Variants in MBOAT2 observed in about 807,000 individuals in gnomAD.
MBOAT2 encodes the protein membrane-bound glycerophospholipid O-acyltransferase 2.
Under a neutral mutation model 63.4 loss-of-function variants are expected in MBOAT2, and 28 were observed. The ratio of observed to expected loss-of-function variants is 0.44; its 90% CI spans 0.33 to 0.61. The LOEUF is 0.61. Ranked by LOEUF, MBOAT2 falls within the 20% of genes least tolerant of loss-of-function variation. MBOAT2 has a pLI of 0.03. For synonymous variants in MBOAT2, 211 were observed against 215.6 expected, an observed-to-expected ratio of 0.98 and a Z score of 0.19; for missense variants, 470 against 605.8, an observed-to-expected ratio of 0.78 and a Z score of 2.35.
At chr2:8,931,572 A>T (rs1216850796) in intron 3 of MBOAT2, among the ~76,000 whole-genome samples, 1 of 152,174 alleles carries the variant, frequency 6.6e-6, no homozygotes, top group Non-Finnish European at 1.5e-5. Flanking sequence ...TTTGCTGTGC[A>T]GAAGTTCTTT....
chr2:8,934,597 T>C (rs2103213046), intron 3 of MBOAT2, among the ~76,000 whole-genome samples: 1 of 152,348 alleles, frequency 6.6e-6, no homozygotes, highest in Non-Finnish European at 1.5e-5. Flanking sequence ...TACTCACAGT[T>C]TCCCAAATGA....
At chr2:8,925,568 C>A (rs955003371) in intron 3 of MBOAT2, among the ~76,000 whole-genome samples, 1 of 152,178 alleles carries the variant, frequency 6.6e-6, no homozygotes, top group African/African-American at 2.4e-5. Context: ...CTAGTCTGCT[C>A]TTTGACTGCA....
chr2:8,931,487 C>T (rs1430256033), intron 3 of MBOAT2, among the ~76,000 whole-genome samples: 2 of 152,014 alleles, frequency 1.3e-5, no homozygotes, highest in Admixed American at 6.6e-5. Context: ...CCGGATATTA[C>T]ACCTTTGTCA....
In MBOAT2 at chr2:8,958,564, T is replaced by C. The variant is rs772211309; in HGVS notation, c.154A>G (p.Ser52Gly). 6 of 1,612,590 alleles carry C rather than the reference T, an allele frequency of 3.7e-6. No homozygotes were observed. The highest frequency in any genetic ancestry group is 5.1e-6 in the Non-Finnish European group (6 of 1,179,638). ...FRTYLHSSKT[S>G]SFIRHVVATL... Reference sequence around the variant, plus strand: ...GCAACTACATGTCTTATAAAAGAGCTAGTTTTGCTTGAATGTAGATAAGTT... The same window carrying C: ...GCAACTACATGTCTTATAAAAGAGCCAGTTTTGCTTGAATGTAGATAAGTT... Residue 52 changes from serine to glycine, a missense_variant, in exon 2 of 13, where the codon AGC becomes GGC. Physicochemically the swap from Ser to Gly is moderately conservative, Grantham distance 56 (BLOSUM62 0). Coordinates refer to ENST00000305997, the MANE Select transcript of MBOAT2 (RefSeq NM_138799.4).
intron 1 of MBOAT2, among the ~76,000 whole-genome samples, chr2:8,959,464 CTTTTTTT>C (rs560059713): frequency 7.2e-6 from 1 of 139,360 alleles, no homozygotes; most frequent in Non-Finnish European, 1.6e-5. Flanking sequence ...TCCTTTTTTT[CTTTTTTT>C]TTTTTTTTAA....
At chr2:8,986,346 C>A (rs1385346230) in intron 1 of MBOAT2, among the ~76,000 whole-genome samples, 2 of 151,972 alleles carry the variant, frequency 1.3e-5, no homozygotes, top group Admixed American at 6.6e-5. Flanking sequence ...GAGGCTGAGG[C>A]AGGCTGATCA....
chr2:8,980,052 G>A (rs1671091443), intron 1 of MBOAT2, among the ~76,000 whole-genome samples: 1 of 152,126 alleles, frequency 6.6e-6, no homozygotes, highest in African/African-American at 2.4e-5. Flanking sequence ...GTAGTCAAAG[G>A]CAGCAATTGT....
intron 3 of MBOAT2, among the ~76,000 whole-genome samples, chr2:8,909,633 G>A (rs1665566470): frequency 3.9e-5 from 6 of 152,004 alleles, no homozygotes; most frequent in Admixed American, 3.3e-4. Flanking sequence ...CAGTTCAGGT[G>A]GTTTTATGAA....
intron 1 of MBOAT2, among the ~76,000 whole-genome samples, chr2:8,961,281 A>G (rs1201444578): frequency 2.0e-5 from 3 of 152,250 alleles, no homozygotes; most frequent in Non-Finnish European, 4.4e-5. Context: ...TCCGCCTCTC[A>G]GTGCTGCTGG....
intron 5 of MBOAT2, among the ~76,000 whole-genome samples, chr2:8,884,403 A>C (rs1191905206): frequency 6.6e-6 from 1 of 151,958 alleles, no homozygotes; most frequent in African/African-American, 2.4e-5. Context: ...ATCAGGATTT[A>C]AACCCCAAAA....
intron 7 of MBOAT2, among the ~76,000 whole-genome samples, chr2:8,875,693 G>A (rs1409304302): frequency 1.3e-5 from 2 of 152,144 alleles, no homozygotes; most frequent in Non-Finnish European, 2.9e-5. Context: ...CTAAGAAGCT[G>A]TCTACAATTG....
chr2:8,960,047 T>C (rs753348917), intron 1 of MBOAT2, among the ~76,000 whole-genome samples: 12 of 152,224 alleles, frequency 7.9e-5, no homozygotes, highest in Admixed American at 1.3e-4. Flanking sequence ...TGTTGTACAC[T>C]GTCTAAGAAA....
intron 2 of MBOAT2, among the ~76,000 whole-genome samples, chr2:8,945,523 T>G: frequency 6.6e-6 from 1 of 152,162 alleles, no homozygotes; most frequent in East Asian, 1.9e-4. Context: ...TAAAAGTCTA[T>G]TATCATTCAA....
intron 1 of MBOAT2, among the ~76,000 whole-genome samples, chr2:8,976,661 C>T (rs1480687248): frequency 1.3e-5 from 2 of 152,096 alleles, no homozygotes; most frequent in Non-Finnish European, 2.9e-5. Flanking sequence ...ACAAGGAAAC[C>T]CTTCCATAAA....
intron 12 of MBOAT2, among the ~76,000 whole-genome samples, chr2:8,859,165 G>A (rs1661320130): frequency 2.6e-5 from 4 of 152,104 alleles, no homozygotes; most frequent in Admixed American, 2.6e-4. Flanking sequence ...GGGTCAGAAG[G>A]CCATGGTTAA....
At chr2:8,860,421 G>T (rs907899564) in intron 12 of MBOAT2, among the ~76,000 whole-genome samples, 192 bp downstream of exon 12, 1 of 152,186 alleles carries the variant, frequency 6.6e-6, no homozygotes, top group Admixed American at 6.5e-5. Flanking sequence ...TCATCTGAGG[G>T]TTGAGCAGTA....
rs116275738 is a variant in MBOAT2 at position 8,947,645 on chromosome 2, C to G, written c.222-4381G>C. ...ACGCTAAATCGATTCTGCCTGTACTCTGTTAATGGAAAAACAAAGTCTGAA... is the reference window on the plus strand; with the variant it reads ...ACGCTAAATCGATTCTGCCTGTACTGTGTTAATGGAAAAACAAAGTCTGAA... On this transcript the variant is annotated intron_variant, in intron 2 of 12. Coordinates refer to ENST00000305997, the MANE Select transcript of MBOAT2 (RefSeq NM_138799.4). Among the ~76,000 whole-genome samples, 471 of 152,336 alleles carry G rather than the reference C, an allele frequency of 3.1e-3. 1 individual carries two copies. Among genetic ancestry groups the G allele is most frequent in the Non-Finnish European group, 5.1e-3 (345 of 68,032 alleles).
chr2:8,969,594 G>C (rs1334030184), intron 1 of MBOAT2, among the ~76,000 whole-genome samples: 14 of 152,112 alleles, frequency 9.2e-5, no homozygotes, highest in Admixed American at 6.6e-4. Flanking sequence ...ACAGAGTCAA[G>C]ACCCACCAGT....
At chr2:8,859,606 C>T (rs767472650) in intron 12 of MBOAT2, among the ~76,000 whole-genome samples, 44 of 152,244 alleles carry the variant, frequency 2.9e-4, no homozygotes, top group Admixed American at 8.5e-4. Flanking sequence ...TATTTAATGT[C>T]TTCCTGTATA....
Sources: gnomAD v4.1 joint callset for allele counts (sites outside exome capture counted in the v4.1 genomes callset) on GRCh38, gnomAD v4.1.1 for gene constraint, MANE v1.5 for transcripts, NCBI Gene and HGNC (gene_info 2026-07-23, HGNC 2026-07-21) for gene names.